FRMD6: variants seen among roughly 807,000 people sequenced by gnomAD.
The protein encoded by FRMD6 is FERM domain containing 6, also known as FERM domain-containing protein 6.
Under a neutral mutation model 73.2 loss-of-function variants are expected in FRMD6, and 37 were observed. That is an observed-to-expected ratio of 0.51 (90% confidence interval 0.39 to 0.66). The LOEUF (loss-of-function observed/expected upper bound fraction) is 0.66, where lower values mean the gene tolerates loss of function less well. Ranked by LOEUF, FRMD6 falls within the 30% of genes least tolerant of loss-of-function variation. The probability of loss-of-function intolerance (pLI) is 0.00; values close to 1 mark genes in which losing one functional copy is unlikely to be tolerated. For missense variants in FRMD6, 714 were observed against 780.5 expected (o/e 0.91, Z 1.02); for synonymous variants, 273 against 282.2 (o/e 0.97, Z 0.33).
chr14:51,587,202 T>TGTTA (rs1223341925), intron 2 of FRMD6, among the ~76,000 whole-genome samples: 6 of 152,226 alleles, frequency 3.9e-5, no homozygotes, highest in African/African-American at 1.4e-4. Context: ...ATCAGTTGGT[T>TGTTA]GTTAGGTATG....
chr14:51,684,327 C>T (rs1895009513), intron 1 of FRMD6, among the ~76,000 whole-genome samples: 1 of 152,100 alleles, frequency 6.6e-6, no homozygotes, highest in Non-Finnish European at 1.5e-5. Context: ...TGGCTGTATA[C>T]TGCAGTAAAT....
At chr14:51,698,917 A>T (rs1489386435) in intron 3 of FRMD6, among the ~76,000 whole-genome samples, 1 of 152,036 alleles carries the variant, frequency 6.6e-6, no homozygotes, top group African/African-American at 2.4e-5. Flanking sequence ...AAATTTCTCT[A>T]ATTTAGTCTT....
the FRMD6 span, among the ~76,000 whole-genome samples, chr14:51,479,273 C>A: frequency 6.6e-6 from 1 of 152,204 alleles, no homozygotes; most frequent in African/African-American, 2.4e-5. Context: ...AACATTTATG[C>A]GCACATTGTA....
In FRMD6 at chr14:51,642,216, C is replaced by T. The variant is rs753388121; in HGVS notation, c.-146-47475C>T. ...CATAGTGAGAGAGAGAGAGGGTTTT[C>T]AACATCTGAAGTGGGCTACTTTTTA... On this transcript the variant is annotated intron_variant, in intron 2 of 14. Transcript: ENST00000356218. Among the ~76,000 whole-genome samples, 48 of 152,248 alleles carry T rather than the reference C, an allele frequency of 3.2e-4. 1 individual carries two copies. Among genetic ancestry groups the T allele is most frequent in the Admixed American group, 1.4e-3 (21 of 15,290 alleles).
At chr14:51,548,383 C>T (rs563639225) in intron 1 of FRMD6, among the ~76,000 whole-genome samples, 5 of 152,214 alleles carry the variant, frequency 3.3e-5, no homozygotes, top group African/African-American at 1.2e-4. Context: ...TGTTAGGTAC[C>T]CTGTGGCTTG....
At chr14:51,698,268 A>G (rs1287757922) in intron 3 of FRMD6, 36 bp downstream of exon 3, 2 of 1,429,972 alleles carry the variant, frequency 1.4e-6, no homozygotes, top group Non-Finnish European at 2.0e-6. Flanking sequence ...GATTTAGCCA[A>G]CTATCCCTGA....
chr14:51,437,019 G>A, the FRMD6 span: 1 of 615,202 alleles, frequency 1.6e-6, no homozygotes, highest in Non-Finnish European at 2.7e-6. Flanking sequence ...TAAGTTCTGG[G>A]ATACATGTGC....
chr14:51,472,357 G>A, the FRMD6 span, among the ~76,000 whole-genome samples: 27 of 152,104 alleles, frequency 1.8e-4, no homozygotes, highest in African/African-American at 6.0e-4. Flanking sequence ...AGGCTGGAGT[G>A]CAGTGGTGCG....
rs561004311 is a variant in FRMD6 at position 51,571,482 on chromosome 14, C to G, written c.-147+1072C>G. Among the ~76,000 whole-genome samples the G allele has an allele frequency of 7.9e-5, 12 of 152,272 alleles. No homozygotes were observed. In the East Asian group the frequency reaches 2.3e-3, roughly 29 times the overall value. On this transcript the variant is annotated intron_variant, in intron 2 of 14. Coordinates refer to the FRMD6 transcript ENST00000356218. ...TCTGAAAAACAGCCTGGATAGCTAC[C>G]CAGCAGAAATTTCATCTCTGATCTG...
chr14:51,429,758 T>A, the FRMD6 span, among the ~76,000 whole-genome samples: 1 of 152,224 alleles, frequency 6.6e-6, no homozygotes, highest in South Asian at 2.1e-4. Flanking sequence ...ATTTTTAATA[T>A]TTATAAAATA....
rs1898143084 is a variant in FRMD6, at chr14:51,729,320, T to G, written c.*1291T>G. 1 of 152,548 alleles carries G rather than the reference T, an allele frequency of 6.6e-6. No homozygotes were observed. Among genetic ancestry groups the G allele is most frequent in the Non-Finnish European group, 1.5e-5 (1 of 68,036 alleles). The allele number at this position is 152,548 out of a possible 1,614,324, so 9.4% of individuals were successfully genotyped here. A position where few individuals can be genotyped will look rare whatever the true frequency, so the allele number is the denominator to read the frequency against. On this transcript the variant is annotated 3_prime_UTR_variant, in exon 14 of 14. Transcript: ENST00000344768. ...TGATCCTGGGGGTGTCTTGTTAATT[T>G]TGAAGTAAAAGTGTACAGAAGACGT...
chr14:51,646,041 G>A (rs932625844), intron 2 of FRMD6, among the ~76,000 whole-genome samples: 1 of 151,888 alleles, frequency 6.6e-6, no homozygotes, highest in Non-Finnish European at 1.5e-5. Flanking sequence ...AAGAGAGGCC[G>A]GGTGCGGTGG....
intron 1 of FRMD6, among the ~76,000 whole-genome samples, chr14:51,556,274 T>C (rs1036543546): frequency 6.6e-6 from 1 of 152,214 alleles, no homozygotes; most frequent in African/African-American, 2.4e-5. Context: ...TTCTCTCAGA[T>C]TTCTGTATTT....
chr14:51,431,689 T>TC, the FRMD6 span, among the ~76,000 whole-genome samples: 1 of 152,198 alleles, frequency 6.6e-6, no homozygotes, highest in Non-Finnish European at 1.5e-5. Flanking sequence ...GGTGATAGAC[T>TC]CCCCTTAGCT....
intron 3 of FRMD6, among the ~76,000 whole-genome samples, chr14:51,698,960 T>G (rs1401522164): frequency 6.6e-6 from 1 of 151,802 alleles, no homozygotes; most frequent in Non-Finnish European, 1.5e-5. Flanking sequence ...TCAAGAAGAG[T>G]TTTTTTTGGT....
At chr14:51,596,415 G>A (rs577794223) in intron 2 of FRMD6, among the ~76,000 whole-genome samples, 62 of 152,152 alleles carry the variant, frequency 4.1e-4, no homozygotes, top group African/African-American at 1.5e-3. Flanking sequence ...TCTATTATAA[G>A]CTGATACCTA....
At chr14:51,505,809 T>C (rs192280486) in intron 1 of FRMD6, among the ~76,000 whole-genome samples, 1 of 152,280 alleles carries the variant, frequency 6.6e-6, no homozygotes. Flanking sequence ...TCTCATACAT[T>C]TCTCTGCTCT....
the FRMD6 span, among the ~76,000 whole-genome samples, chr14:51,412,460 T>C: frequency 6.6e-6 from 1 of 151,980 alleles, no homozygotes; most frequent in South Asian, 2.1e-4. Context: ...AAGGGTGGGA[T>C]ATTGAGAAGT....
At chr14:51,477,716 TTC>T in the FRMD6 span, among the ~76,000 whole-genome samples, 2 of 136,350 alleles carry the variant, frequency 1.5e-5, no homozygotes, top group East Asian at 2.3e-4. Context: ...TTTCTTTTCT[TTC>T]TTTCTTTCTT....
Sources: gnomAD v4.1 joint callset for allele counts (sites outside exome capture counted in the v4.1 genomes callset) on GRCh38, gnomAD v4.1.1 for gene constraint, MANE v1.5 for transcripts, NCBI Gene and HGNC (gene_info 2026-07-23, HGNC 2026-07-21) for gene names.